The following GALNT12 variants were observed in gnomAD, a reference collection of about 807,000 sequenced individuals.
The protein encoded by GALNT12 is UDP-GalNAc:polypeptide N-acetylgalactosaminyltransferase 12.
A neutral mutation model predicts 55.5 loss-of-function variants in GALNT12; 45 were observed. The ratio of observed to expected loss-of-function variants is 0.81; its 90% CI spans 0.64 to 1.04. GALNT12 has a LOEUF of 1.04. Ranked by LOEUF, GALNT12 falls within the 50% of genes least tolerant of loss-of-function variation. GALNT12 has a pLI of 0.00. For synonymous variants in GALNT12, 304 were observed against 312.2 expected, an observed-to-expected ratio of 0.97 and a Z score of 0.28; for missense variants, 709 against 754.8, an observed-to-expected ratio of 0.94 and a Z score of 0.71.
At chr9:98,836,487 T>C (rs868177215) in intron 5 of GALNT12, among the ~76,000 whole-genome samples, 2 of 152,298 alleles carry the variant, frequency 1.3e-5, no homozygotes, top group Middle Eastern at 3.4e-3. Flanking sequence ...TCAGATGCCT[T>C]CGCCTGTTGA....
At position 98,823,125 on chromosome 9, in the gene GALNT12, G is replaced by T. The variant is rs1835781968; in HGVS notation, c.372-131G>T. ...TGGGGCTCCTAGTGCCACAAGGGGAGCTCTGGAAGATCCTTCAGTGGATTA... is the reference window on the plus strand; with the variant it reads ...TGGGGCTCCTAGTGCCACAAGGGGATCTCTGGAAGATCCTTCAGTGGATTA... On this transcript the variant is annotated intron_variant, in intron 1 of 9. Coordinates refer to ENST00000375011, the MANE Select transcript of GALNT12 (RefSeq NM_024642.5). 6.7e-5 allele frequency: 56 copies of T among 836,244 alleles called. 1 individual carries two copies. In the South Asian group the frequency reaches 7.8e-4, roughly 12 times the overall value. 51.8% of individuals were successfully genotyped at this position (836,244 alleles called of 1,614,324 possible).
chr9:98,844,294 A>G (rs1401151885), intron 8 of GALNT12, 85 bp downstream of exon 8: 7 of 909,000 alleles, frequency 7.7e-6, no homozygotes, highest in Non-Finnish European at 1.2e-5. Flanking sequence ...TAAAAGTAAT[A>G]TTTGGGAAAT....
In GALNT12 at chr9:98,842,481, G is replaced by T. The variant is rs570559326; in HGVS notation, c.1345-1615G>T. Among the ~76,000 whole-genome samples, 4 of 152,270 alleles carry T rather than the reference G, an allele frequency of 2.6e-5. No homozygotes were observed. In the East Asian group the frequency reaches 7.7e-4, roughly 29 times the overall value. On this transcript the variant is annotated intron_variant, in intron 7 of 9. Transcript: ENST00000375011. The stretch of plus-strand genomic sequence containing the variant: ...TGGGATTACAGGTATGAGCCACTGT[G>T]CCCAGCCCAATTCATCTTTTTAAAA...
At chr9:98,816,760 T>C (rs2118311394) in intron 1 of GALNT12, among the ~76,000 whole-genome samples, 1 of 150,882 alleles carries the variant, frequency 6.6e-6, no homozygotes, top group South Asian at 2.1e-4. Context: ...AAACCATCCT[T>C]CCACCTCAGC....
At chr9:98,840,795 T>C (rs1016363195) in intron 7 of GALNT12, among the ~76,000 whole-genome samples, 4 of 152,146 alleles carry the variant, frequency 2.6e-5, no homozygotes, top group African/African-American at 7.2e-5. Context: ...ATCCCTGAGA[T>C]TCTAGAATTT....
intron 3 of GALNT12, among the ~76,000 whole-genome samples, chr9:98,828,887 T>C (rs573082625): frequency 6.6e-6 from 1 of 152,248 alleles, no homozygotes; most frequent in Non-Finnish European, 1.5e-5. Flanking sequence ...TGGAGGGCAG[T>C]GGCGTGATCT....
In GALNT12 at chr9:98,846,075, T is replaced by A; in HGVS notation, c.1557T>A (p.His519Gln). 1 of 1,614,186 alleles carries A rather than the reference T, an allele frequency of 6.2e-7. No homozygotes were observed. Residue 519 changes from histidine (H) to glutamine (Q), a missense_variant, in exon 9 of 10, where the codon CAT (histidine) becomes CAA (glutamine). His to Gln is a conservative substitution (Grantham distance 24). This residue lies in a region of GALNT12 where 262 missense variants were observed against 310.7 expected (regional missense o/e 0.84). Transcript: ENST00000375011. ...VEAGMDTLIM[H>Q]LCEETAPENQ... ...CAGGAATGGATACCCTTATCATGCA[T>A]CTCTGCGAAGAAACTGCCCCAGAGA...
chr9:98,827,325 G>A (rs759595547), intron 3 of GALNT12, among the ~76,000 whole-genome samples: 10 of 152,014 alleles, frequency 6.6e-5, no homozygotes, highest in Non-Finnish European at 8.8e-5. Flanking sequence ...CTCAGCCTCC[G>A]GAGTAGCTGG....
chr9:98,809,615 G>A (rs1252391572), intron 1 of GALNT12, among the ~76,000 whole-genome samples: 2 of 152,176 alleles, frequency 1.3e-5, no homozygotes, highest in African/African-American at 4.8e-5. Flanking sequence ...AAAGTGAGTG[G>A]AAAGAACACA....
At chr9:98,816,057 T>C (rs1215898978) in intron 1 of GALNT12, among the ~76,000 whole-genome samples, 5 of 152,218 alleles carry the variant, frequency 3.3e-5, no homozygotes, top group Admixed American at 3.3e-4. Context: ...TACATGGCCA[T>C]GATTTCCTCA....
intron 1 of GALNT12, among the ~76,000 whole-genome samples, chr9:98,821,519 G>T (rs972268695): frequency 2.0e-5 from 3 of 150,750 alleles, no homozygotes; most frequent in African/African-American, 7.3e-5. Flanking sequence ...CAGCTACTCA[G>T]GAGGCTGAGG....
intron 1 of GALNT12, among the ~76,000 whole-genome samples, chr9:98,815,797 G>A (rs1188091124): frequency 6.6e-6 from 1 of 152,080 alleles, no homozygotes; most frequent in Non-Finnish European, 1.5e-5. Context: ...TAACATTTTG[G>A]CATATTTCTT....
At chr9:98,819,249 C>T (rs949545235) in intron 1 of GALNT12, among the ~76,000 whole-genome samples, 25 of 152,272 alleles carry the variant, frequency 1.6e-4, no homozygotes, top group East Asian at 1.5e-3. Flanking sequence ...GAGATGGAGC[C>T]GCATTCTCCT....
rs532176374 is a variant in GALNT12, at chr9:98,834,492, G to A, written c.918-757G>A. On this transcript the variant is annotated intron_variant, in intron 4 of 9. Transcript: ENST00000375011. ...CGTGCTGACCTTACAGTGTTCTGCC[G>A]TGTAGGCTGGAAGCCGTGGGCCGTT... is the stretch of plus-strand genomic sequence containing the variant. Among the ~76,000 whole-genome samples the A allele has an allele frequency of 2.8e-4, 42 of 152,312 alleles. No individual in the cohort carries two copies. The South Asian group carries it at 8.5e-3, about 31-fold the overall frequency.
At chr9:98,842,582 C>T (rs554617756) in intron 7 of GALNT12, among the ~76,000 whole-genome samples, 3 of 152,158 alleles carry the variant, frequency 2.0e-5, no homozygotes, top group South Asian at 2.1e-4. Context: ...CTTACAGTGG[C>T]GTTGATAGCC....
chr9:98,840,056 A>G lies in GALNT12; in HGVS notation c.1267A>G (p.Lys423Glu), dbSNP rs997113902. Residue 423 changes from lysine to glutamate, a missense_variant, in exon 7 of 10, where the codon AAA (lysine) becomes GAA (glutamate). By Grantham distance (56) the Lys-to-Glu change is moderately conservative (BLOSUM62 1). Transcript: ENST00000375011. The part of the protein sequence containing the change: ...RKQLRDKLQC[K>E]DFKWFLETVY... ...GCAGCTCCGGGACAAGCTCCAGTGT[A>G]AAGACTTCAAGTGGTTCTTGGAGAC... 1 of 1,614,192 alleles carries G rather than the reference A, an allele frequency of 6.2e-7. No homozygotes were observed. Among genetic ancestry groups the G allele is most frequent in the Middle Eastern group, 1.7e-4 (1 of 6,060 alleles).
At position 98,836,982 on chromosome 9, in the gene GALNT12, G is replaced by T; in HGVS notation, c.1046G>T (p.Cys349Phe). Residue 349 changes from cysteine to phenylalanine, a missense_variant, in exon 6 of 10, where the codon TGT becomes TTT. Around this residue, in one of 5 missense-constraint regions of GALNT12, gnomAD observed 262 missense variants for 310.7 expected, o/e 0.84. Transcript: ENST00000375011. ...NLEFSFRIWQ[C>F]GGVLETHPCS... is the part of the protein sequence containing the mutation. Reference sequence around the variant, plus strand: ...TTTCTCTGTGTGCAGATCTGGCAGTGTGGTGGGGTTCTGGAAACACACCCA... The same window carrying T: ...TTTCTCTGTGTGCAGATCTGGCAGTTTGGTGGGGTTCTGGAAACACACCCA... 1 of 1,614,092 alleles carries T rather than the reference G, an allele frequency of 6.2e-7. No individual in the cohort carries two copies. The highest frequency in any genetic ancestry group is 8.5e-7 in the Non-Finnish European group (1 of 1,180,024).
At chr9:98,842,678 C>T (rs1325513235) in intron 7 of GALNT12, among the ~76,000 whole-genome samples, 5 of 152,004 alleles carry the variant, frequency 3.3e-5, no homozygotes, top group Admixed American at 6.6e-5. Context: ...TGTTGGGTAA[C>T]GGTATTGGGA....
rs2118413482 is a variant in GALNT12 at position 98,831,799 on chromosome 9, G to A, written c.759G>A (p.Val253=). 1.2e-6 allele frequency: 2 copies of A among 1,614,226 alleles called. No individual in the cohort carries two copies. The highest frequency in any genetic ancestry group is 1.7e-6 in the Non-Finnish European group (2 of 1,180,042). The change falls in exon 4 of 10, where the codon GTG becomes GTA. Residue 253 remains valine (V), a synonymous_variant. Coordinates refer to ENST00000375011, the MANE Select transcript of GALNT12 (RefSeq NM_024642.5). ...QRIHEEESAV[V]CPVIDVIDWN... is the part of the protein sequence containing the mutation. ...TCCATGAAGAGGAGTCGGCAGTGGT[G>A]TGCCCGGTGATTGATGTGATCGACT...
Sources: allele counts gnomAD v4.1 joint callset (sites outside exome capture counted in the v4.1 genomes callset), GRCh38; gene constraint gnomAD v4.1.1; regional missense constraint gnomAD v4.1.1; transcripts MANE v1.5; gene names NCBI Gene and HGNC (gene_info 2026-07-23, HGNC 2026-07-21).